TNNI3K: variants seen among roughly 807,000 people sequenced by gnomAD.
TNNI3K encodes serine/threonine-protein kinase TNNI3K.
TNNI3K carries 140 observed loss-of-function variants against 114.5 expected under a neutral mutation model. The observed-to-expected ratio is 1.22, with a 90% CI of 1.07 to 1.41. The LOEUF (loss-of-function observed/expected upper bound fraction) is 1.41. TNNI3K is among the 40% of genes most tolerant of loss of function. The pLI is 0.00. For synonymous variants in TNNI3K, 347 were observed against 347.5 expected, an observed-to-expected ratio of 1.00 and a Z score of 0.02; for missense variants, 1,125 against 1,007.6, an observed-to-expected ratio of 1.12 and a Z score of -1.58.
chr1:74,543,359 A>G (rs180943901), intron 24 of TNNI3K, among the ~76,000 whole-genome samples: 4 of 152,196 alleles, frequency 2.6e-5, no homozygotes, highest in Admixed American at 2.6e-4. Flanking sequence ...GGCATGAGCC[A>G]CTGCACCTGG....
At chr1:74,447,129 G>C (rs1474448005) in intron 20 of TNNI3K, among the ~76,000 whole-genome samples, 2 of 151,492 alleles carry the variant, frequency 1.3e-5, no homozygotes, top group South Asian at 4.2e-4. Flanking sequence ...AATTACTTTG[G>C]GCAGTATGGC....
At chr1:74,484,757 G>A (rs1169909258) in intron 21 of TNNI3K, among the ~76,000 whole-genome samples, 2 of 152,132 alleles carry the variant, frequency 1.3e-5, no homozygotes, top group Non-Finnish European at 2.9e-5. Flanking sequence ...ATACCTTAGA[G>A]ATGAATGCAA....
At chr1:74,383,757 C>T (rs1490547933) in intron 17 of TNNI3K, among the ~76,000 whole-genome samples, 1 of 152,062 alleles carries the variant, frequency 6.6e-6, no homozygotes, top group Admixed American at 6.6e-5. Context: ...AATCAAGAAA[C>T]ATAAGGATAA....
At chr1:74,342,784 A>G in intron 7 of TNNI3K, 58 bp from the exon 8 acceptor site, 1 of 1,595,472 alleles carries the variant, frequency 6.3e-7, no homozygotes, top group Non-Finnish European at 8.6e-7. Context: ...TATACATATG[A>G]AGGTTGAGAA....
At chr1:74,424,855 G>A (rs1665559196) in intron 17 of TNNI3K, among the ~76,000 whole-genome samples, 1 of 152,012 alleles carries the variant, frequency 6.6e-6, no homozygotes, top group Admixed American at 6.6e-5. Context: ...TGCTCAGATT[G>A]TAGGGGACAA....
intron 11 of TNNI3K, among the ~76,000 whole-genome samples, chr1:74,357,008 TA>T (rs1420448605): frequency 6.6e-6 from 1 of 152,106 alleles, no homozygotes; most frequent in African/African-American, 2.4e-5. Context: ...TTTCTCTTCC[TA>T]AAAAAATGTT....
intron 5 of TNNI3K, among the ~76,000 whole-genome samples, chr1:74,293,421 T>C (rs1657797940): frequency 6.6e-6 from 1 of 151,812 alleles, no homozygotes; most frequent in Non-Finnish European, 1.5e-5. Flanking sequence ...TTTAAGATTT[T>C]CTTTGTTACT....
chr1:74,258,039 A>AT (rs1022403233), intron 4 of TNNI3K, among the ~76,000 whole-genome samples: 1 of 152,102 alleles, frequency 6.6e-6, no homozygotes, highest in African/African-American at 2.4e-5. Flanking sequence ...CTAAAGTATG[A>AT]TTTTTTGGCA....
chr1:74,426,340 A>C (rs1665640569), intron 17 of TNNI3K, among the ~76,000 whole-genome samples: 1 of 152,118 alleles, frequency 6.6e-6, no homozygotes, highest in Admixed American at 6.5e-5. Flanking sequence ...CAAGCTCTGC[A>C]GGAGCAAAGC....
intron 5 of TNNI3K, among the ~76,000 whole-genome samples, chr1:74,293,141 A>G (rs1163637084): frequency 6.6e-6 from 1 of 151,734 alleles, no homozygotes; most frequent in African/African-American, 2.4e-5. Context: ...CTAGACAGAT[A>G]TTCTTTTGCC....
intron 11 of TNNI3K, among the ~76,000 whole-genome samples, chr1:74,360,111 A>G (rs995434393): frequency 3.3e-5 from 5 of 151,288 alleles, no homozygotes; most frequent in Non-Finnish European, 7.4e-5. Context: ...TTTTTTTACT[A>G]TCACTATTTT....
chr1:74,278,959 T>C (rs1337374672), intron 5 of TNNI3K, among the ~76,000 whole-genome samples: 1 of 151,978 alleles, frequency 6.6e-6, no homozygotes, highest in African/African-American at 2.4e-5. Context: ...TAATTACATA[T>C]GACTTTATTT....
chr1:74,307,698 C>T (rs188385170), intron 5 of TNNI3K, among the ~76,000 whole-genome samples: 49 of 152,202 alleles, frequency 3.2e-4, no homozygotes, highest in African/African-American at 9.9e-4. Flanking sequence ...CAGTGGAGGA[C>T]GGCCAGGCGT....
chr1:74,428,625 C>T (rs992541715), intron 17 of TNNI3K, among the ~76,000 whole-genome samples: 4 of 151,942 alleles, frequency 2.6e-5, no homozygotes, highest in Non-Finnish European at 4.4e-5. Context: ...CCAAGGTACA[C>T]GGAGGTGTCA....
intron 4 of TNNI3K, among the ~76,000 whole-genome samples, chr1:74,266,563 G>A (rs906983320): frequency 1.3e-5 from 2 of 151,802 alleles, no homozygotes; most frequent in African/African-American, 2.4e-5. Flanking sequence ...ACCACCAGAA[G>A]GTATATTTTG....
At position 74,492,176 on chromosome 1, in the gene TNNI3K, G is replaced by A. The variant is rs1486859057; in HGVS notation, c.2261G>A (p.Gly754Glu). The change falls in exon 23 of 25, where the codon GGA becomes GAA. Residue 754 changes from glycine to glutamate, a missense_variant. Physicochemically the swap from Gly to Glu is moderately conservative, Grantham distance 98 (BLOSUM62 -2). Transcript: ENST00000326637. ...SSSDCLVNRGGPGRSHVAALR... is the reference protein window; with the variant it reads ...SSSDCLVNRGEPGRSHVAALR... ...TCTGATTGCCTGGTGAACCGGGGAGGACCTGGCCGGAGTCATGTGGCAGCA... is the reference window on the plus strand; with the variant it reads ...TCTGATTGCCTGGTGAACCGGGGAGAACCTGGCCGGAGTCATGTGGCAGCA... 3 of 1,613,124 alleles carry A rather than the reference G, an allele frequency of 1.9e-6. No homozygotes were observed. In the East Asian group the frequency reaches 6.7e-5, roughly 36 times the overall value.
At chr1:74,464,405 C>T (rs1357013656) in intron 21 of TNNI3K, among the ~76,000 whole-genome samples, 4 of 152,132 alleles carry the variant, frequency 2.6e-5, no homozygotes, top group Non-Finnish European at 5.9e-5. Flanking sequence ...AATGGAGGAC[C>T]TCATATGTAA....
intron 5 of TNNI3K, among the ~76,000 whole-genome samples, chr1:74,274,025 T>A (rs1365609260): frequency 1.3e-5 from 2 of 151,968 alleles, no homozygotes; most frequent in East Asian, 3.8e-4. Flanking sequence ...CAGTTGAAAA[T>A]CTATATATAC....
intron 20 of TNNI3K, among the ~76,000 whole-genome samples, chr1:74,442,097 A>G (rs936655303): frequency 3.3e-5 from 5 of 152,012 alleles, no homozygotes; most frequent in African/African-American, 1.2e-4. Context: ...TTATATTTAT[A>G]AGATCTATTT....
Sources: allele counts gnomAD v4.1 joint callset (sites outside exome capture counted in the v4.1 genomes callset), GRCh38; gene constraint gnomAD v4.1.1; transcripts MANE v1.5; gene names NCBI Gene and HGNC (gene_info 2026-07-23, HGNC 2026-07-21).